The following TENT4A variants were observed in gnomAD, a reference collection of about 807,000 sequenced individuals.
The protein encoded by TENT4A is DNA polymerase kappa.
TENT4A carries 7 observed loss-of-function variants against 72.8 expected under a neutral mutation model. That is an observed-to-expected ratio of 0.10 (90% CI 0.05 to 0.18). The LOEUF (loss-of-function observed/expected upper bound fraction) is 0.18, where lower values mean the gene tolerates loss of function less well. TENT4A is among the 10% of genes least tolerant of loss of function. The probability of loss-of-function intolerance (pLI) is 1.00; values close to 1 mark genes in which losing one functional copy is unlikely to be tolerated. For synonymous variants in TENT4A, 456 were observed against 434.3 expected (o/e 1.05, Z -0.62); for missense variants, 831 against 1,017.7 (o/e 0.82, Z 2.50).
In TENT4A at chr5:6,751,191, C is replaced by T; in HGVS notation, c.2013C>T (p.Asn671=). ...CCAGAACACTGATCATGACAACCAA[C>T]AATCAGGTACGTGGCCCTCTGGCAC... ...TTSRTLIMTT[N]NQTRFTIPPP... The change falls in exon 11 of 13, where the codon AAC becomes AAT. Residue 671 remains asparagine (N), a synonymous_variant. Transcript: ENST00000230859. 6.2e-7 allele frequency: 1 copy of T among 1,614,242 alleles called. No individual in the cohort carries two copies. The highest frequency in any genetic ancestry group is 8.5e-7 in the Non-Finnish European group (1 of 1,180,042).
At chr5:6,742,407 C>A in intron 4 of TENT4A, 83 bp from the exon 5 acceptor site, 1 of 853,534 alleles carries the variant, frequency 1.2e-6, no homozygotes, top group Non-Finnish European at 2.0e-6. Flanking sequence ...CACCAAACCT[C>A]TGTACAGCTT....
chr5:6,734,090 C>T (rs1040320414), intron 1 of TENT4A, among the ~76,000 whole-genome samples: 1 of 152,210 alleles, frequency 6.6e-6, no homozygotes, highest in Non-Finnish European at 1.5e-5. Flanking sequence ...ATTCCATGCA[C>T]AGGCAAGCGC....
At chr5:6,718,434 G>A (rs1740489625) in intron 1 of TENT4A, among the ~76,000 whole-genome samples, 1 of 152,194 alleles carries the variant, frequency 6.6e-6, no homozygotes, top group Admixed American at 6.5e-5. Context: ...CATCACTCTA[G>A]GGGCCTTTCC....
Position 6,750,957 on chromosome 5 carries a change from C to A in TENT4A, c.1861-82C>A, listed in dbSNP as rs1424879793. The A allele has an allele frequency of 2.2e-5, 32 of 1,439,616 alleles. No individual in the cohort carries two copies. In the South Asian group the frequency reaches 2.8e-4, roughly 13 times the overall value. The allele number at this position is 1,439,616 out of a possible 1,614,324, so 89.2% of individuals were successfully genotyped here. ...CTTTCATAGCCAGCCTGGATGCAGGCGTTTCTTTTCATAGCTTTAAGGAAG... is the reference window on the plus strand; with the variant it reads ...CTTTCATAGCCAGCCTGGATGCAGGAGTTTCTTTTCATAGCTTTAAGGAAG... On this transcript the variant is annotated intron_variant, in intron 10 of 12. Transcript: ENST00000230859.
chr5:6,715,307 G>A (rs1036445220), intron 1 of TENT4A, among the ~76,000 whole-genome samples: 2 of 152,128 alleles, frequency 1.3e-5, no homozygotes, highest in African/African-American at 4.8e-5. Flanking sequence ...TCTATTCTTT[G>A]GAAGGTGCCA....
Position 6,755,288 on chromosome 5 carries a change from A to G in TENT4A, c.*343A>G, listed in dbSNP as rs1490184128. 3.0e-5 allele frequency: 6 copies of G among 202,316 alleles called. No homozygotes were observed. The highest frequency in any genetic ancestry group is 9.9e-6 in the Non-Finnish European group (1 of 101,218). 12.5% of individuals were successfully genotyped at this position (202,316 alleles called of 1,614,324 possible). ...TGTTCCTTCGCGGTTTGCTATTTTC[A>G]TTTCCTGTTCGTCAAAGCAGCAGAG... is the stretch of plus-strand genomic sequence containing the variant. On this transcript the variant is annotated 3_prime_UTR_variant, in exon 13 of 13. Transcript: ENST00000230859.
At chr5:6,717,179 G>T (rs979875869) in intron 1 of TENT4A, among the ~76,000 whole-genome samples, 1 of 152,226 alleles carries the variant, frequency 6.6e-6, no homozygotes, top group Non-Finnish European at 1.5e-5. Flanking sequence ...CTGGCCATCA[G>T]CTTACCCAGA....
intron 5 of TENT4A, 25 bp from the exon 6 acceptor site, chr5:6,743,687 A>T (rs756831758): frequency 4.5e-6 from 7 of 1,559,316 alleles, no homozygotes; most frequent in Non-Finnish European, 6.2e-6. Flanking sequence ...TTACTCAGTA[A>T]ATCTTTTTCT....
intron 10 of TENT4A, 159 bp from the exon 11 acceptor site, chr5:6,750,880 G>T: frequency 1.5e-6 from 1 of 668,228 alleles, no homozygotes; most frequent in Non-Finnish European, 2.6e-6. Context: ...CTTGAAGGAA[G>T]CCTGGGTAGG....
Position 6,749,650 on chromosome 5 carries a change from A to G in TENT4A, c.1680A>G (p.Pro560=), listed in dbSNP as rs1036212772. The G allele has an allele frequency of 6.2e-7, 1 of 1,606,214 alleles. No homozygotes were observed. Among genetic ancestry groups the G allele is most frequent in the Non-Finnish European group, 8.5e-7 (1 of 1,172,818 alleles). ...GGGGCAGCAAAGCCCACCCGTCGCC[A>G]GGCATGGGTGAGAGATTAATTCATT... is the stretch of plus-strand genomic sequence containing the variant. ...EKWGSKAHPS[P]GMDSRIKIKE... Residue 560 remains proline, a synonymous_variant, in exon 9 of 13, where the codon CCA becomes CCG. Coordinates refer to ENST00000230859, the MANE Select transcript of TENT4A (RefSeq NM_006999.6).
intron 6 of TENT4A, among the ~76,000 whole-genome samples, chr5:6,745,217 G>A (rs1310874373): frequency 1.3e-5 from 2 of 152,190 alleles, no homozygotes; most frequent in Non-Finnish European, 2.9e-5. Flanking sequence ...GGCCAGAATC[G>A]GAATCCTCCT....
Position 6,750,494 on chromosome 5 carries a change from G to T in TENT4A, c.1851G>T (p.Gly617=), listed in dbSNP as rs1342642213. 1 of 1,595,462 alleles carries T rather than the reference G, an allele frequency of 6.3e-7. No homozygotes were observed. Among genetic ancestry groups the T allele is most frequent in the East Asian group, 2.3e-5 (1 of 43,434 alleles). The change falls in exon 10 of 13, where the codon GGG becomes GGT. Residue 617 remains glycine (G), a synonymous_variant. Coordinates refer to ENST00000230859, the MANE Select transcript of TENT4A (RefSeq NM_006999.6). The part of the protein sequence containing the change: ...SSASSVSSLS[G]SDVDSDTPPC... The stretch of plus-strand genomic sequence containing the variant: ...CCTCTTCTGTGTCTTCACTTTCTGG[G>T]AGTGACGTTGTAAGTGCCCTCCCCT...
intron 1 of TENT4A, among the ~76,000 whole-genome samples, chr5:6,723,722 A>C (rs1461502807): frequency 6.6e-6 from 1 of 152,192 alleles, no homozygotes; most frequent in Admixed American, 6.5e-5. Context: ...GATTAGATTC[A>C]GATGTGGTGG....
Position 6,746,246 on chromosome 5 carries a change from T to C in TENT4A, c.1278T>C (p.Asp426=), listed in dbSNP as rs775638125. 1.2e-6 allele frequency: 2 copies of C among 1,614,252 alleles called. No individual in the cohort carries two copies. The highest frequency in any genetic ancestry group is 1.7e-6 in the Non-Finnish European group (2 of 1,180,042). ...CAAGAATTGATGCCCGGAGAGCTGATGAAAACCTTGGAATGCTTCTTGTAG... is the reference window on the plus strand; with the variant it reads ...CAAGAATTGATGCCCGGAGAGCTGACGAAAACCTTGGAATGCTTCTTGTAG... ...LHPRIDARRA[D]ENLGMLLVEF... The change falls in exon 7 of 13, where the codon GAT becomes GAC. Residue 426 remains aspartate, a synonymous_variant. Transcript: ENST00000230859.
chr5:6,755,868 G>C lies in TENT4A; in HGVS notation c.*923G>C, dbSNP rs117255937. The C allele has an allele frequency of 3.3e-5, 5 of 152,264 alleles. No homozygotes were observed. The highest frequency in any genetic ancestry group is 1.2e-4 in the African/African-American group (5 of 41,470). 9.4% of individuals were successfully genotyped at this position (152,264 alleles called of 1,614,324 possible). On this transcript the variant is annotated 3_prime_UTR_variant, in exon 13 of 13. Transcript: ENST00000230859. Reference sequence around the variant, plus strand: ...AAGTATAACTTTCTAAGGAGAGAAGGGTTGTCACATTATAAAATCTTTAGG... The same window carrying C: ...AAGTATAACTTTCTAAGGAGAGAAGCGTTGTCACATTATAAAATCTTTAGG...
chr5:6,742,673 T>A, intron 5 of TENT4A, 76 bp downstream of exon 5: 1 of 820,964 alleles, frequency 1.2e-6, no homozygotes, highest in South Asian at 1.4e-5. Context: ...CTACGATGTT[T>A]ACAGCTGTCA....
chr5:6,751,934 C>T (rs1454156340), intron 11 of TENT4A, among the ~76,000 whole-genome samples: 1 of 152,218 alleles, frequency 6.6e-6, no homozygotes, highest in Non-Finnish European at 1.5e-5. Flanking sequence ...CACCGTGATT[C>T]TGGCGGAGCT....
At chr5:6,738,776 T>C in intron 3 of TENT4A, 47 bp downstream of exon 3, 1 of 1,351,774 alleles carries the variant, frequency 7.4e-7, no homozygotes, top group Non-Finnish European at 1.1e-6. Context: ...GCTGGGATGG[T>C]GTCTATGCAA....
Position 6,756,729 on chromosome 5 carries a change from C to T in TENT4A, c.*1784C>T, listed in dbSNP as rs1258411270. The T allele has an allele frequency of 6.6e-6, 1 of 152,592 alleles. No individual in the cohort carries two copies. The highest frequency in any genetic ancestry group is 1.5e-5 in the Non-Finnish European group (1 of 68,024). The allele number at this position is 152,592 out of a possible 1,614,324, so 9.5% of individuals were successfully genotyped here. The stretch of plus-strand genomic sequence containing the variant: ...ATATTTATAAAAACTGATCTGTAGG[C>T]CTGTACTAATCTCTACGCATTAGCA... On this transcript the variant is annotated 3_prime_UTR_variant, in exon 13 of 13. Transcript: ENST00000230859.
Sources: allele counts gnomAD v4.1 joint callset (sites outside exome capture counted in the v4.1 genomes callset), GRCh38; gene constraint gnomAD v4.1.1; transcripts MANE v1.5; gene names NCBI Gene and HGNC (gene_info 2026-07-23, HGNC 2026-07-21).